Variants in TBC1D22A observed in about 807,000 individuals in gnomAD.
TBC1D22A encodes the protein TBC1 domain family member 22A, also known as putative GTPase activator.
Under a neutral mutation model 60.2 loss-of-function variants are expected in TBC1D22A, and 38 were observed. That is an observed-to-expected ratio of 0.63 (90% CI 0.49 to 0.83). The LOEUF (loss-of-function observed/expected upper bound fraction) is 0.83. TBC1D22A is among the 40% of genes least tolerant of loss of function. The pLI is 0.00. For synonymous variants in TBC1D22A, 302 were observed against 281.7 expected (o/e 1.07, Z -0.72); for missense variants, 628 against 701.0 (o/e 0.90, Z 1.18).
chr22:47,123,686 A>G (rs1045699882), intron 12 of TBC1D22A, among the ~76,000 whole-genome samples: 1 of 152,228 alleles, frequency 6.6e-6, no homozygotes. Flanking sequence ...GGAAGCAGCA[A>G]ATGTCATGAA....
chr22:46,920,601 G>A (rs2070695991), intron 8 of TBC1D22A, among the ~76,000 whole-genome samples: 1 of 152,092 alleles, frequency 6.6e-6, no homozygotes, highest in South Asian at 2.1e-4. Flanking sequence ...TGGGGACTGT[G>A]TCGCATGCGT....
chr22:46,776,746 A>G (rs1041410900), intron 1 of TBC1D22A, among the ~76,000 whole-genome samples: 7 of 152,048 alleles, frequency 4.6e-5, no homozygotes, highest in African/African-American at 1.4e-4. Flanking sequence ...TTAGTTCAGT[A>G]GATATTCAAA....
intron 5 of TBC1D22A, among the ~76,000 whole-genome samples, chr22:46,882,154 G>C (rs1038648529): frequency 6.6e-6 from 1 of 152,146 alleles, no homozygotes; most frequent in Admixed American, 6.5e-5. Context: ...CCCGATCCTG[G>C]TGTCCGGGCC....
intron 8 of TBC1D22A, among the ~76,000 whole-genome samples, chr22:46,916,319 G>A (rs1432168746): frequency 6.6e-6 from 1 of 152,206 alleles, no homozygotes; most frequent in Non-Finnish European, 1.5e-5. Flanking sequence ...CAAGCTGTGT[G>A]GAGGTGTGCT....
At chr22:47,129,237 G>A (rs1000970544) in intron 12 of TBC1D22A, among the ~76,000 whole-genome samples, 2 of 152,314 alleles carry the variant, frequency 1.3e-5, no homozygotes, top group Admixed American at 1.3e-4. Flanking sequence ...CCAGCACTTT[G>A]GGAGGCCAAG....
chr22:46,853,967 T>A (rs1186085044), intron 4 of TBC1D22A, among the ~76,000 whole-genome samples: 1 of 152,058 alleles, frequency 6.6e-6, no homozygotes, highest in Non-Finnish European at 1.5e-5. Context: ...CGTGAAAAAT[T>A]TTTTCCCAGG....
intron 4 of TBC1D22A, among the ~76,000 whole-genome samples, chr22:46,838,094 C>G (rs2086597546): frequency 6.6e-6 from 1 of 152,136 alleles, no homozygotes; most frequent in South Asian, 2.1e-4. Flanking sequence ...AGCCCAACTT[C>G]TACACTTGAA....
intron 11 of TBC1D22A, among the ~76,000 whole-genome samples, chr22:47,107,121 A>G (rs80230693): frequency 0.011 from 1,670 of 152,332 alleles, 31 homozygotes; most frequent in African/African-American, 0.038. Flanking sequence ...TAAGTTAAAT[A>G]TACATGTTAA....
chr22:46,814,724 G>A (rs993952821), intron 4 of TBC1D22A, among the ~76,000 whole-genome samples: 3 of 151,740 alleles, frequency 2.0e-5, no homozygotes, highest in Non-Finnish European at 2.9e-5. Flanking sequence ...CCGGCTCACT[G>A]CAACCTCCGC....
chr22:47,056,067 G>C (rs28690686), intron 11 of TBC1D22A, among the ~76,000 whole-genome samples: 2 of 152,112 alleles, frequency 1.3e-5, no homozygotes, highest in Admixed American at 1.3e-4. Context: ...TAGGTGTCCC[G>C]TGCACACATC....
intron 12 of TBC1D22A, among the ~76,000 whole-genome samples, chr22:47,156,752 T>G (rs527400913): frequency 6.6e-6 from 1 of 152,258 alleles, no homozygotes; most frequent in Non-Finnish European, 1.5e-5. Flanking sequence ...TCCGTGTAAG[T>G]GCACTTGCCT....
chr22:47,163,076 A>T (rs1453567084), intron 12 of TBC1D22A, among the ~76,000 whole-genome samples: 1 of 152,238 alleles, frequency 6.6e-6, no homozygotes, highest in Non-Finnish European at 1.5e-5. Context: ...CCAGGTGGGC[A>T]CTGACCAGGC....
intron 11 of TBC1D22A, among the ~76,000 whole-genome samples, chr22:47,099,450 G>GT (rs534970567): frequency 0.011 from 1,635 of 144,944 alleles, 11 homozygotes; most frequent in African/African-American, 0.023. Context: ...TTCTTTTGTT[G>GT]TTTTTTTTTT....
chr22:47,160,934 C>T (rs547445914), intron 12 of TBC1D22A, among the ~76,000 whole-genome samples: 6 of 140,676 alleles, frequency 4.3e-5, no homozygotes, highest in African/African-American at 1.2e-4. Flanking sequence ...CACCCTCCTG[C>T]GGTTTAGGAG....
intron 11 of TBC1D22A, among the ~76,000 whole-genome samples, chr22:47,058,361 C>G (rs879706194): frequency 6.6e-6 from 1 of 152,124 alleles, no homozygotes; most frequent in African/African-American, 2.4e-5. Flanking sequence ...TCCACCCGCC[C>G]GACAGAAGCC....
At chr22:46,854,422 T>G (rs2087460285) in intron 4 of TBC1D22A, among the ~76,000 whole-genome samples, 1 of 151,960 alleles carries the variant, frequency 6.6e-6, no homozygotes, top group African/African-American at 2.4e-5. Context: ...AAGCCACCCC[T>G]CTCCACTTCC....
At chr22:46,936,382 C>A (rs1461981030) in intron 8 of TBC1D22A, among the ~76,000 whole-genome samples, 1 of 152,158 alleles carries the variant, frequency 6.6e-6, no homozygotes, top group African/African-American at 2.4e-5. Flanking sequence ...CTCGTGGCTC[C>A]CCGCACAGCC....
intron 12 of TBC1D22A, among the ~76,000 whole-genome samples, chr22:47,118,186 G>T (rs1402921846): frequency 6.6e-6 from 1 of 152,092 alleles, no homozygotes; most frequent in African/African-American, 2.4e-5. Flanking sequence ...GGAGTGGTTT[G>T]GGAGTTCTGG....
At chr22:46,918,453 G>T (rs994509128) in intron 8 of TBC1D22A, among the ~76,000 whole-genome samples, 2 of 152,232 alleles carry the variant, frequency 1.3e-5, no homozygotes, top group African/African-American at 2.4e-5. Context: ...GGGTCTGTGT[G>T]TGTGTGCATG....
Sources: allele counts gnomAD v4.1 joint callset (sites outside exome capture counted in the v4.1 genomes callset), GRCh38; gene constraint gnomAD v4.1.1; transcripts MANE v1.5; gene names NCBI Gene and HGNC (gene_info 2026-07-23, HGNC 2026-07-21).